Variants in PARD3 observed in about 807,000 individuals in gnomAD.
PARD3 encodes the protein partitioning defective 3 homolog.
A neutral mutation model predicts 155.4 loss-of-function variants in PARD3; 75 were observed. That is an observed-to-expected ratio of 0.48 (90% CI 0.40 to 0.58). The LOEUF (loss-of-function observed/expected upper bound fraction) is 0.58. Ranked by LOEUF, PARD3 falls within the 20% of genes least tolerant of loss-of-function variation. The pLI is 0.00. For synonymous variants in PARD3, 576 were observed against 610.5 expected (o/e 0.94, Z 0.83); for missense variants, 1,642 against 1,721.7 (o/e 0.95, Z 0.82).
intron 9 of PARD3, 123 bp from the exon 10 acceptor site, chr10:34,378,229 T>C: frequency 1.5e-6 from 1 of 682,584 alleles, no homozygotes; most frequent in East Asian, 3.1e-5. Context: ...TCCACATTTC[T>C]TCTACTACTT....
At chr10:34,538,174 C>G (rs1208139987) in intron 2 of PARD3, among the ~76,000 whole-genome samples, 1 of 152,194 alleles carries the variant, frequency 6.6e-6, no homozygotes, top group Non-Finnish European at 1.5e-5. Flanking sequence ...AAAATGTAAT[C>G]TTTATAGTTT....
chr10:34,780,417 C>T (rs1240073193), intron 1 of PARD3, among the ~76,000 whole-genome samples: 22 of 152,182 alleles, frequency 1.4e-4, no homozygotes, highest in Admixed American at 1.4e-3. Flanking sequence ...ATAAGCACCT[C>T]CTTTGCACTA....
intron 2 of PARD3, among the ~76,000 whole-genome samples, chr10:34,618,808 C>T (rs2091435868): frequency 1.3e-5 from 2 of 152,116 alleles, no homozygotes; most frequent in African/African-American, 4.8e-5. Flanking sequence ...CTGCTGGAGT[C>T]ATGCACACCT....
At chr10:34,230,715 C>G (rs1483942000) in intron 22 of PARD3, among the ~76,000 whole-genome samples, 1 of 152,084 alleles carries the variant, frequency 6.6e-6, no homozygotes, top group Non-Finnish European at 1.5e-5. Context: ...AATTGTACAA[C>G]TGGCAACTTA....
chr10:34,190,138 C>A (rs1022882590), intron 22 of PARD3, among the ~76,000 whole-genome samples: 1 of 152,178 alleles, frequency 6.6e-6, no homozygotes, highest in African/African-American at 2.4e-5. Flanking sequence ...GAAAAGTTCC[C>A]TAAGGTTTTA....
chr10:34,557,562 T>C (rs1268919678), intron 2 of PARD3, among the ~76,000 whole-genome samples: 2 of 152,020 alleles, frequency 1.3e-5, no homozygotes, highest in African/African-American at 4.8e-5. Flanking sequence ...CATTGTAACC[T>C]CTGCCTCCCA....
intron 7 of PARD3, among the ~76,000 whole-genome samples, chr10:34,392,142 T>TAAAG (rs749914663): frequency 6.6e-6 from 1 of 151,120 alleles, no homozygotes; most frequent in Admixed American, 6.6e-5. Flanking sequence ...TCAAAAAATA[T>TAAAG]AAAGAAAGAA....
intron 17 of PARD3, among the ~76,000 whole-genome samples, chr10:34,336,694 A>G (rs2134271884): frequency 6.6e-6 from 1 of 152,228 alleles, no homozygotes; most frequent in African/African-American, 2.4e-5. Flanking sequence ...TGGTGTTTGA[A>G]CAACTATGAT....
intron 1 of PARD3, among the ~76,000 whole-genome samples, chr10:34,791,197 C>A (rs1841575790): frequency 6.6e-6 from 1 of 152,228 alleles, no homozygotes. Flanking sequence ...GTGAGAAGCA[C>A]TGACGCTTGT....
At chr10:34,177,815 G>C (rs1950102940) in intron 22 of PARD3, among the ~76,000 whole-genome samples, 2 of 152,220 alleles carry the variant, frequency 1.3e-5, no homozygotes, top group South Asian at 4.1e-4. Context: ...AGAGACACCA[G>C]AAAGTGGGGG....
intron 5 of PARD3, among the ~76,000 whole-genome samples, chr10:34,437,959 C>T (rs2076272293): frequency 6.6e-6 from 1 of 152,038 alleles, no homozygotes. Context: ...TATAAGAACA[C>T]TTTTTTGGCT....
At chr10:34,242,877 G>C (rs551389627) in intron 22 of PARD3, among the ~76,000 whole-genome samples, 3 of 152,282 alleles carry the variant, frequency 2.0e-5, no homozygotes, top group Non-Finnish European at 2.9e-5. Flanking sequence ...GGAGGTTGTA[G>C]TGAGCTGAGA....
chr10:34,311,344 A>C (rs188234670), intron 20 of PARD3, among the ~76,000 whole-genome samples: 1 of 152,258 alleles, frequency 6.6e-6, no homozygotes, highest in Admixed American at 6.5e-5. Flanking sequence ...CTGGAATTAC[A>C]GGTGTGAGCC....
chr10:34,596,936 C>A (rs568349114), intron 2 of PARD3, among the ~76,000 whole-genome samples: 58 of 152,278 alleles, frequency 3.8e-4, no homozygotes, highest in African/African-American at 1.0e-3. Flanking sequence ...TTGCTCCCAG[C>A]TGTAGACTTA....
intron 19 of PARD3, among the ~76,000 whole-genome samples, chr10:34,329,397 A>T (rs1835378370): frequency 6.6e-6 from 1 of 152,194 alleles, no homozygotes; most frequent in Non-Finnish European, 1.5e-5. Flanking sequence ...TTGATTAAAT[A>T]TACACCCAAG....
intron 3 of PARD3, among the ~76,000 whole-genome samples, chr10:34,512,945 G>A (rs2081488432): frequency 6.6e-6 from 1 of 151,966 alleles, no homozygotes; most frequent in Admixed American, 6.6e-5. Flanking sequence ...TTGTCATTAG[G>A]CAGTTCTTTT....
chr10:34,181,644 A>T (rs2133199443), intron 22 of PARD3, among the ~76,000 whole-genome samples: 1 of 152,250 alleles, frequency 6.6e-6, no homozygotes, highest in Non-Finnish European at 1.5e-5. Flanking sequence ...CTCTGAAATT[A>T]GTTAACACTA....
chr10:34,324,811 G>A (rs1353221725), intron 19 of PARD3, among the ~76,000 whole-genome samples: 1 of 152,044 alleles, frequency 6.6e-6, no homozygotes, highest in Non-Finnish European at 1.5e-5. Flanking sequence ...CGCTAAGCCC[G>A]TAAACAGTTT....
chr10:34,798,496 G>C (rs1842523624), intron 1 of PARD3, among the ~76,000 whole-genome samples: 1 of 152,012 alleles, frequency 6.6e-6, no homozygotes, highest in Admixed American at 6.6e-5. Flanking sequence ...CCTGAGGTCA[G>C]GAGTTCAAGA....
Sources: gnomAD v4.1 joint callset for allele counts (sites outside exome capture counted in the v4.1 genomes callset) on GRCh38, gnomAD v4.1.1 for gene constraint, MANE v1.5 for transcripts, NCBI Gene and HGNC (gene_info 2026-07-23, HGNC 2026-07-21) for gene names.